The following STRA8 variants were observed in gnomAD, a reference collection of about 807,000 sequenced individuals.
STRA8 encodes stimulated by retinoic acid 8, also known as stimulated by retinoic acid gene 8 protein homolog.
A neutral mutation model predicts 37.1 loss-of-function variants in STRA8; 18 were observed. The ratio of observed to expected loss-of-function variants is 0.48; its 90% CI spans 0.34 to 0.72. The LOEUF (loss-of-function observed/expected upper bound fraction) is 0.72, where lower values mean the gene tolerates loss of function less well. STRA8 is among the 30% of genes least tolerant of loss of function. The pLI is 0.01. For synonymous variants in STRA8, 168 were observed against 162.9 expected, an observed-to-expected ratio of 1.03 and a Z score of -0.24; for missense variants, 357 against 410.4, an observed-to-expected ratio of 0.87 and a Z score of 1.13.
At chr7:135,238,047 T>C (rs905561410) in intron 1 of STRA8, among the ~76,000 whole-genome samples, 1 of 152,074 alleles carries the variant, frequency 6.6e-6, no homozygotes, top group Admixed American at 6.5e-5. Context: ...TGGTTCCTAG[T>C]AGTGAACAGG....
chr7:135,248,182 C>G (rs1472272288), intron 6 of STRA8, among the ~76,000 whole-genome samples: 1 of 152,348 alleles, frequency 6.6e-6, no homozygotes, highest in East Asian at 1.9e-4. Context: ...GCTATCAGGC[C>G]CAAGCCTGGA....
chr7:135,238,903 C>T (rs1429303344), intron 1 of STRA8, among the ~76,000 whole-genome samples: 1 of 152,148 alleles, frequency 6.6e-6, no homozygotes, highest in Non-Finnish European at 1.5e-5. Context: ...GCTGTTTTCC[C>T]TTGGAAGATA....
intron 3 of STRA8, 64 bp from the exon 4 acceptor site, chr7:135,243,262 T>C: frequency 6.4e-7 from 1 of 1,568,216 alleles, no homozygotes; most frequent in Non-Finnish European, 8.8e-7. Flanking sequence ...GCCAGAAGGG[T>C]GGGAGAGACT....
At chr7:135,255,260 C>A in intron 8 of STRA8, 35 bp downstream of exon 8, 1 of 1,543,834 alleles carries the variant, frequency 6.5e-7, no homozygotes, top group Non-Finnish European at 8.9e-7. Flanking sequence ...TACCTCTGCC[C>A]ACCTTGCTTA....
At chr7:135,242,584 C>A (rs931751409) in intron 2 of STRA8, among the ~76,000 whole-genome samples, 197 bp from the exon 3 acceptor site, 2 of 152,238 alleles carry the variant, frequency 1.3e-5, no homozygotes, top group African/African-American at 4.8e-5. Context: ...TGAGAACCCA[C>A]TTCTAGGCTA....
intron 8 of STRA8, among the ~76,000 whole-genome samples, chr7:135,255,836 G>A (rs1181477602): frequency 6.6e-6 from 1 of 152,232 alleles, no homozygotes; most frequent in Non-Finnish European, 1.5e-5. Context: ...GCAGGAACCC[G>A]ATCCCAGGGG....
At chr7:135,243,232 C>T (rs867492884) in intron 3 of STRA8, 94 bp from the exon 4 acceptor site, 1 of 1,335,292 alleles carries the variant, frequency 7.5e-7, no homozygotes, top group Non-Finnish European at 1.1e-6. Context: ...GGTTCAGGGT[C>T]CCACCCACAG....
chr7:135,252,013 A>AGAGTGTGTGTGTGT (rs142941773), intron 7 of STRA8, 144 bp downstream of exon 7: 66 of 505,376 alleles, frequency 1.3e-4, no homozygotes, highest in African/African-American at 7.5e-4. Context: ...AGAGAGAGAG[A>AGAGTGTGTGTGTGT]GTGTGTGTGT....
At chr7:135,232,184 T>C (rs1175363872), upstream of STRA8, 2 of 764,484 alleles carry the variant, frequency 2.6e-6, no homozygotes, top group Non-Finnish European at 4.5e-6. Flanking sequence ...TCCAAACCAC[T>C]CTGTGTCATC....
chr7:135,247,738 G>A (rs536240796), intron 6 of STRA8, among the ~76,000 whole-genome samples: 1 of 152,362 alleles, frequency 6.6e-6, no homozygotes, highest in East Asian at 1.9e-4. Flanking sequence ...TACCGTAAAT[G>A]CATTTCTCAG....
intron 8 of STRA8, 151 bp from the exon 9 acceptor site, chr7:135,258,267 C>T (rs1381002371): frequency 5.2e-6 from 3 of 579,882 alleles, no homozygotes; most frequent in Non-Finnish European, 9.0e-6. Flanking sequence ...GCCCTTGCTT[C>T]CTGGCCCAAG....
chr7:135,246,594 G>C lies in STRA8; in HGVS notation c.771G>C (p.Ala257=), dbSNP rs927454232. ...QAWAQKHRGP[A]TLAEACREPA... is the part of the protein sequence containing the mutation. ...GGGCGCAGAAGCACCGCGGCCCTGCGACCCTGGCGGAGGCCTGCCGAGAGC... is the reference window on the plus strand; with the variant it reads ...GGGCGCAGAAGCACCGCGGCCCTGCCACCCTGGCGGAGGCCTGCCGAGAGC... The change falls in exon 6 of 9, where the codon GCG becomes GCC. Residue 257 remains alanine (A), a synonymous_variant. Coordinates refer to ENST00000662584, the MANE Select transcript of STRA8 (RefSeq NM_001394401.1). The surrounding 1 kb of genome is among the most constrained non-coding windows in gnomAD (Gnocchi z 5.4). The C allele has an allele frequency of 1.9e-6, 3 of 1,539,508 alleles. No homozygotes were observed. The highest frequency in any genetic ancestry group is 1.2e-5 in the South Asian group (1 of 83,890).
chr7:135,257,969 T>C (rs925556785), intron 8 of STRA8, among the ~76,000 whole-genome samples: 2 of 152,264 alleles, frequency 1.3e-5, no homozygotes, highest in Admixed American at 1.3e-4. Flanking sequence ...ACGGTACACA[T>C]TGCTTTGCAC....
intron 8 of STRA8, among the ~76,000 whole-genome samples, chr7:135,258,115 A>G (rs1415470938): frequency 6.6e-6 from 1 of 152,200 alleles, no homozygotes; most frequent in Non-Finnish European, 1.5e-5. Flanking sequence ...GCATTTGGAT[A>G]AAGCCTTATG....
intron 1 of STRA8, among the ~76,000 whole-genome samples, chr7:135,240,141 G>A (rs1247877341): frequency 1.3e-5 from 2 of 152,164 alleles, no homozygotes; most frequent in African/African-American, 4.8e-5. Flanking sequence ...AAATTAACAA[G>A]TGTCTGGTGA....
chr7:135,244,111 T>A (rs1363682094), intron 4 of STRA8, among the ~76,000 whole-genome samples: 1 of 152,254 alleles, frequency 6.6e-6, no homozygotes, highest in Non-Finnish European at 1.5e-5. Context: ...CAGGCTGGAG[T>A]GCAGTGGCAT....
chr7:135,258,534 G>C lies in STRA8; in HGVS notation c.*42G>C, dbSNP rs1464420497. 1 of 1,535,920 alleles carries C rather than the reference G, an allele frequency of 6.5e-7. No individual in the cohort carries two copies. Among genetic ancestry groups the C allele is most frequent in the African/African-American group, 1.4e-5 (1 of 73,368 alleles). ...CGAGGGGAGGGACTGAATGAGGTGGGCAGTTCCCAAGGTTGAATGCTGGCA... is the reference window on the plus strand; with the variant it reads ...CGAGGGGAGGGACTGAATGAGGTGGCCAGTTCCCAAGGTTGAATGCTGGCA... On this transcript the variant is annotated 3_prime_UTR_variant, in exon 9 of 9. Transcript: ENST00000662584.
chr7:135,244,644 T>G (rs1832519171), intron 4 of STRA8, among the ~76,000 whole-genome samples: 1 of 152,246 alleles, frequency 6.6e-6, no homozygotes, highest in Non-Finnish European at 1.5e-5. Context: ...TGTAGCAATA[T>G]TATTCATTTT....
intron 1 of STRA8, among the ~76,000 whole-genome samples, 187 bp downstream of exon 1, chr7:135,234,090 TG>T (rs1832332253): frequency 2.7e-5 from 4 of 149,750 alleles, no homozygotes; most frequent in African/African-American, 1.0e-4. Context: ...ATGATGATGA[TG>T]ATGATGATGA....
Sources: allele counts gnomAD v4.1 joint callset (sites outside exome capture counted in the v4.1 genomes callset), GRCh38; gene constraint gnomAD v4.1.1; non-coding constraint Gnocchi (gnomAD v3.1); transcripts MANE v1.5; gene names NCBI Gene and HGNC (gene_info 2026-07-23, HGNC 2026-07-21).